Variants in KANK1 observed in about 807,000 individuals in gnomAD.
KANK1 encodes KN motif and ankyrin repeat domains 1.
A neutral mutation model predicts 106.2 loss-of-function variants in KANK1; 109 were observed. That is an observed-to-expected ratio of 1.03 (90% CI 0.88 to 1.20). KANK1 has a LOEUF of 1.20. Among genes scored for constraint, KANK1 ranks in the 50% most tolerant of loss-of-function variants. The pLI is 0.00. For missense variants in KANK1, 2,399 were observed against 1,710.7 expected (o/e 1.40, Z -7.10); for synonymous variants, 873 against 652.2 (o/e 1.34, Z -5.16).
chr9:692,708 G>A (rs1820270578), intron 2 of KANK1, among the ~76,000 whole-genome samples: 1 of 82,748 alleles, frequency 1.2e-5, no homozygotes, highest in Admixed American at 1.6e-4. Context: ...GTTTTCTTCT[G>A]CTTTTGAAAA....
chr9:505,220 T>G (rs1001423178), intron 1 of KANK1, among the ~76,000 whole-genome samples: 5 of 151,766 alleles, frequency 3.3e-5, no homozygotes, highest in African/African-American at 9.7e-5. Context: ...CTCCGTGGAG[T>G]TGGATGTTGC....
intron 3 of KANK1, among the ~76,000 whole-genome samples, chr9:716,782 A>G (rs1192538982): frequency 6.6e-6 from 1 of 152,224 alleles, no homozygotes; most frequent in Non-Finnish European, 1.5e-5. Flanking sequence ...TAGTTCAAGC[A>G]TAGGCAACGT....
chr9:534,801 AT>A (rs2060221381), intron 1 of KANK1, among the ~76,000 whole-genome samples: 1 of 152,234 alleles, frequency 6.6e-6, no homozygotes, highest in Admixed American at 6.5e-5. Context: ...CATGTTTACA[AT>A]AAGAAAGCTG....
At chr9:729,190 CTAG>C (rs1395786712) in intron 3 of KANK1, among the ~76,000 whole-genome samples, 1 of 152,158 alleles carries the variant, frequency 6.6e-6, no homozygotes, top group African/African-American at 2.4e-5. Context: ...CAAAAGCACT[CTAG>C]TAGATTTGTT....
At chr9:681,472 ATGT>A (rs1817540658) in intron 2 of KANK1, among the ~76,000 whole-genome samples, 1 of 152,154 alleles carries the variant, frequency 6.6e-6, no homozygotes, top group South Asian at 2.1e-4. Flanking sequence ...CTAAACACTA[ATGT>A]TGTGAAACTT....
In KANK1 at chr9:711,025, AC is replaced by A; in HGVS notation, c.260del (p.Thr87IlefsTer22). 6.2e-7 allele frequency: 1 copy of A among 1,614,180 alleles called. No individual in the cohort carries two copies. The highest frequency in any genetic ancestry group is 8.5e-7 in the Non-Finnish European group (1 of 1,180,026). On this transcript the variant is annotated frameshift_variant, in exon 3 of 12. Coordinates refer to ENST00000382297, the MANE Select transcript of KANK1 (RefSeq NM_015158.5). LOFTEE classifies it high-confidence loss of function. ...CACATCTGGTCAGCAAGGTATATGG[AC>A]TTCCACTGAATCCCTCTCATCCTCC... ...RTTSGQQGIW[T>X]STESLSSSNS... is the part of the protein sequence containing the mutation.
chr9:720,918 T>A (rs1176898115), intron 3 of KANK1, among the ~76,000 whole-genome samples: 3 of 152,188 alleles, frequency 2.0e-5, no homozygotes, highest in African/African-American at 7.2e-5. Context: ...AAAATTCACA[T>A]GGATCCAAGT....
At chr9:552,106 A>C (rs571558228) in intron 1 of KANK1, among the ~76,000 whole-genome samples, 9 of 152,228 alleles carry the variant, frequency 5.9e-5, no homozygotes, top group African/African-American at 2.2e-4. Context: ...TAGCCTAGGC[A>C]AGTACGGCAT....
chr9:535,592 G>A (rs1563730735), intron 1 of KANK1, among the ~76,000 whole-genome samples: 1 of 152,168 alleles, frequency 6.6e-6, no homozygotes, highest in Non-Finnish European at 1.5e-5. Context: ...TTTACTCTCA[G>A]CGTGAGATGA....
intron 1 of KANK1, among the ~76,000 whole-genome samples, chr9:627,782 T>G (rs1834709543): frequency 6.6e-6 from 1 of 152,230 alleles, no homozygotes; most frequent in African/African-American, 2.4e-5. Context: ...TTGGTGGGTT[T>G]TGTTCTTGTT....
At chr9:501,371 A>G (rs2058548276), upstream of KANK1, among the ~76,000 whole-genome samples, 2 of 152,298 alleles carry the variant, frequency 1.3e-5, no homozygotes, top group East Asian at 3.9e-4. Context: ...CTTGAAAATG[A>G]GAAGAAATAA....
chr9:742,152 AC>A, intron 9 of KANK1, 52 bp from the exon 10 acceptor site: 1 of 1,512,802 alleles, frequency 6.6e-7, no homozygotes, highest in Non-Finnish European at 9.1e-7. Context: ...ACTAGAGGCC[AC>A]CACTGCCAGC....
chr9:504,669 C>G (rs1383377892), upstream of KANK1: 1 of 149,286 alleles, frequency 6.7e-6, no homozygotes, highest in African/African-American at 2.4e-5. Flanking sequence ...GGGGCCGACT[C>G]CGCCCCCTGC....
Position 632,969 on chromosome 9 carries a change from C to A in KANK1, c.-83-43921C>A, listed in dbSNP as rs555495779. Among the ~76,000 whole-genome samples the A allele has an allele frequency of 6.6e-5, 10 of 151,868 alleles. No individual in the cohort carries two copies. In the South Asian group the frequency reaches 2.1e-3, roughly 32 times the overall value. ...TCAGCCTCCCAAAGTGCTGGGATTA[C>A]AGGCGTGAGCCACTGCTCCCAGCCT... On this transcript the variant is annotated intron_variant, in intron 1 of 11. Coordinates refer to ENST00000382297, the MANE Select transcript of KANK1 (RefSeq NM_015158.5).
chr9:478,126 G>C (rs1466257630), intron 3 of KANK1: 1 of 211,322 alleles, frequency 4.7e-6, no homozygotes, highest in East Asian at 1.5e-4. Flanking sequence ...ACCAGAGACA[G>C]AAAGAAGCAA....
chr9:628,410 G>A (rs79289177), intron 1 of KANK1, among the ~76,000 whole-genome samples: 1 of 109,990 alleles, frequency 9.1e-6, no homozygotes, highest in Non-Finnish European at 2.1e-5. Context: ...TCCCAGTAGG[G>A]GGGGTTCCTG....
chr9:703,538 C>T, intron 2 of KANK1, among the ~76,000 whole-genome samples: 1 of 152,202 alleles, frequency 6.6e-6, no homozygotes, highest in East Asian at 1.9e-4. Context: ...TTTTTGTAAA[C>T]ACCAGGGACA....
At chr9:547,200 C>T (rs182438262) in intron 1 of KANK1, 9 of 152,262 alleles carry the variant, frequency 5.9e-5, no homozygotes, top group African/African-American at 1.7e-4. Flanking sequence ...TTGCTCAGTA[C>T]AAAAGGTTGC....
intron 1 of KANK1, among the ~76,000 whole-genome samples, chr9:673,087 C>A (rs888599966): frequency 2.0e-5 from 3 of 151,634 alleles, no homozygotes; most frequent in Admixed American, 6.6e-5. Flanking sequence ...TGAGCACTCA[C>A]AATTTGAGGC....
Sources: gnomAD v4.1 joint callset for allele counts (sites outside exome capture counted in the v4.1 genomes callset) on GRCh38, gnomAD v4.1.1 for gene constraint, MANE v1.5 for transcripts, NCBI Gene and HGNC (gene_info 2026-07-23, HGNC 2026-07-21) for gene names.